Variants in ZNF407 observed in about 807,000 individuals in gnomAD.
The protein encoded by ZNF407 is zinc finger protein 407.
Under a neutral mutation model 131.2 loss-of-function variants are expected in ZNF407, and 17 were observed. That is an observed-to-expected ratio of 0.13 (90% CI 0.09 to 0.19). The LOEUF (loss-of-function observed/expected upper bound fraction) is 0.19. Ranked by LOEUF, ZNF407 falls within the 10% of genes least tolerant of loss-of-function variation. The probability of loss-of-function intolerance (pLI) is 1.00; values close to 1 mark genes in which losing one functional copy is unlikely to be tolerated. For missense variants in ZNF407, 2,681 were observed against 2,830.6 expected (o/e 0.95, Z 1.20); for synonymous variants, 1,156 against 1,062.0 (o/e 1.09, Z -1.72).
intron 8 of ZNF407, among the ~76,000 whole-genome samples, chr18:74,923,878 A>G (rs1450591787): frequency 1.3e-5 from 2 of 152,226 alleles, no homozygotes; most frequent in East Asian, 3.9e-4. Context: ...TACATTAAAT[A>G]TTTAGTCTTT....
At chr18:75,059,472 T>C (rs1973599484) in intron 8 of ZNF407, among the ~76,000 whole-genome samples, 1 of 152,192 alleles carries the variant, frequency 6.6e-6, no homozygotes, top group Non-Finnish European at 1.5e-5. Context: ...TTTTGTGTCC[T>C]TATTTCCGTT....
Position 74,635,312 on chromosome 18 carries a change from T to G in ZNF407, c.4293T>G (p.Val1431=). The G allele has an allele frequency of 1.2e-6, 2 of 1,614,004 alleles. No homozygotes were observed. Among genetic ancestry groups the G allele is most frequent in the Non-Finnish European group, 1.7e-6 (2 of 1,179,896 alleles). The change falls in exon 2 of 9, where the codon GTT becomes GTG. Residue 1431 remains valine, a synonymous_variant. Transcript: ENST00000299687. The surrounding 1 kb of genome is among the most constrained non-coding windows in gnomAD (Gnocchi z 4.7). ...CAGATGGACTGAGTGGACTGAATGT[T>G]CACATAGCCATGAAGCATCCTACAA... ...FLADGLSGLN[V]HIAMKHPTKE...
chr18:74,912,865 A>G (rs1171364829), intron 7 of ZNF407, among the ~76,000 whole-genome samples: 1 of 152,200 alleles, frequency 6.6e-6, no homozygotes, highest in African/African-American at 2.4e-5. Context: ...ATGACCAACA[A>G]TCATTTAGAA....
At chr18:75,045,186 C>T (rs978749000) in intron 8 of ZNF407, among the ~76,000 whole-genome samples, 3 of 151,482 alleles carry the variant, frequency 2.0e-5, no homozygotes, top group African/African-American at 4.9e-5. Context: ...TGCATGCACA[C>T]GTGTATGAAA....
intron 3 of ZNF407, among the ~76,000 whole-genome samples, chr18:74,726,417 G>A (rs1486856054): frequency 6.6e-6 from 1 of 152,134 alleles, no homozygotes; most frequent in African/African-American, 2.4e-5. Flanking sequence ...AATATACTAT[G>A]CATGGAAGGA....
intron 3 of ZNF407, among the ~76,000 whole-genome samples, chr18:74,779,109 A>ATTTTTTTTTTTT (rs869191171): frequency 4.1e-5 from 1 of 24,376 alleles, no homozygotes; most frequent in Non-Finnish European, 7.2e-5. Context: ...ATATATATAT[A>ATTTTTTTTTTTT]TTTTTTTTTT....
chr18:74,678,383 C>T (rs1966901786), intron 3 of ZNF407, among the ~76,000 whole-genome samples: 1 of 152,168 alleles, frequency 6.6e-6, no homozygotes, highest in Non-Finnish European at 1.5e-5. Flanking sequence ...ACATTGGGCT[C>T]TTAGGATAGC....
chr18:74,871,849 T>A (rs1971091459), intron 4 of ZNF407, among the ~76,000 whole-genome samples: 1 of 149,984 alleles, frequency 6.7e-6, no homozygotes, highest in African/African-American at 2.5e-5. Context: ...TCATATTTAT[T>A]ACAGATTTCT....
rs935278836 is a variant in ZNF407 at position 74,646,925 on chromosome 18, C to T, written c.4802+5803C>T. 3.3e-5 allele frequency among the ~76,000 whole-genome samples: 5 copies of T among 152,148 alleles called. No homozygotes were observed. In the South Asian group the frequency reaches 8.3e-4, roughly 25 times the overall value. ...GTGGTAGTGGTTTTTAAAATTTTTG[C>T]CACAGAAGGGTGGGGTCGTAGATGT... On this transcript the variant is annotated intron_variant, in intron 3 of 8. Coordinates refer to ENST00000299687, the MANE Select transcript of ZNF407 (RefSeq NM_017757.3).
chr18:75,030,039 A>G (rs1205996238), intron 8 of ZNF407, among the ~76,000 whole-genome samples: 1 of 152,190 alleles, frequency 6.6e-6, no homozygotes, highest in African/African-American at 2.4e-5. Context: ...TTCTAAGTAT[A>G]TATAGTCCAA....
intron 3 of ZNF407, among the ~76,000 whole-genome samples, chr18:74,652,489 A>T: frequency 6.6e-6 from 1 of 152,014 alleles, no homozygotes; most frequent in East Asian, 1.9e-4. Context: ...GTTTTTGCTT[A>T]TTACATGAAT....
At chr18:74,621,363 G>C (rs986741649) in intron 1 of ZNF407, among the ~76,000 whole-genome samples, 21 of 152,126 alleles carry the variant, frequency 1.4e-4, no homozygotes, top group Admixed American at 1.4e-3. Context: ...AGGAATTGGA[G>C]GGTGGGCTTG....
intron 1 of ZNF407, among the ~76,000 whole-genome samples, chr18:74,618,755 C>G (rs1467858545): frequency 6.6e-6 from 1 of 152,044 alleles, no homozygotes; most frequent in Non-Finnish European, 1.5e-5. Flanking sequence ...TTTCACCATG[C>G]AGAGGAAAAA....
At chr18:74,601,364 T>TCC in intron 1 of ZNF407, among the ~76,000 whole-genome samples, 1 of 146,736 alleles carries the variant, frequency 6.8e-6, no homozygotes, top group Admixed American at 6.9e-5. Flanking sequence ...TGTGTGTGTG[T>TCC]CCTTCACAAG....
chr18:74,924,868 G>C (rs1599246776), intron 8 of ZNF407, among the ~76,000 whole-genome samples: 1 of 152,240 alleles, frequency 6.6e-6, no homozygotes, highest in Admixed American at 6.5e-5. Flanking sequence ...CAAGGAGCTT[G>C]TTTATTATTG....
At chr18:74,910,092 C>G (rs1005760395) in intron 7 of ZNF407, among the ~76,000 whole-genome samples, 2 of 152,166 alleles carry the variant, frequency 1.3e-5, no homozygotes, top group African/African-American at 4.8e-5. Context: ...GAGACAGAAT[C>G]TCTAGTGACA....
intron 3 of ZNF407, among the ~76,000 whole-genome samples, chr18:74,742,062 A>T (rs1968562898): frequency 6.6e-6 from 1 of 152,188 alleles, no homozygotes; most frequent in Admixed American, 6.5e-5. Flanking sequence ...ACACTTCTTC[A>T]TGTATTAATA....
chr18:74,744,294 G>C (rs956927090), intron 3 of ZNF407, among the ~76,000 whole-genome samples: 1 of 152,142 alleles, frequency 6.6e-6, no homozygotes, highest in South Asian at 2.1e-4. Flanking sequence ...ATGAAGGGAC[G>C]TCCTCTGATG....
rs1475498906 is a variant in ZNF407, at chr18:75,063,877, C to T, written c.6156C>T (p.Ala2052=). ...CACAGGCCCAGGAGAGCCCGGCCGC[C>T]GTGGAGGTGCTCACCCAGGTGGTCC... The part of the protein sequence containing the change: ...MFPQAQESPA[A]VEVLTQVVHP... Residue 2052 remains alanine, a synonymous_variant, in exon 9 of 9, where the codon GCC becomes GCT. Transcript: ENST00000299687. The surrounding 1 kb of genome is among the most constrained non-coding windows in gnomAD (Gnocchi z 6.6). 4.3e-6 allele frequency: 7 copies of T among 1,612,606 alleles called. No homozygotes were observed. The highest frequency in any genetic ancestry group is 2.2e-5 in the South Asian group (2 of 91,040).
Sources: allele counts gnomAD v4.1 joint callset (sites outside exome capture counted in the v4.1 genomes callset), GRCh38; gene constraint gnomAD v4.1.1; non-coding constraint Gnocchi (gnomAD v3.1); transcripts MANE v1.5; gene names NCBI Gene and HGNC (gene_info 2026-07-23, HGNC 2026-07-21).